The following SHANK2 variants were observed in gnomAD, a reference collection of about 807,000 sequenced individuals.
The protein encoded by SHANK2 is SH3 and multiple ankyrin repeat domains protein 2.
A neutral mutation model predicts 133.7 loss-of-function variants in SHANK2; 43 were observed. That is an observed-to-expected ratio of 0.32 (90% confidence interval 0.25 to 0.41). The LOEUF is 0.41. Ranked by LOEUF, SHANK2 falls within the 10% of genes least tolerant of loss-of-function variation. SHANK2 has a pLI of 1.00. For synonymous variants in SHANK2, 1,017 were observed against 952.8 expected (o/e 1.07, Z -1.24); for missense variants, 1,994 against 2,235.8 (o/e 0.89, Z 2.18).
chr11:70,546,097 A>ATTTT (rs57144719), intron 17 of SHANK2, among the ~76,000 whole-genome samples: 47 of 137,544 alleles, frequency 3.4e-4, no homozygotes, highest in Admixed American at 1.2e-3. Flanking sequence ...TATTTATTTA[A>ATTTT]TTTTTTTTTT....
intron 10 of SHANK2, among the ~76,000 whole-genome samples, chr11:70,931,644 G>A (rs1174979741): frequency 2.6e-5 from 4 of 152,166 alleles, no homozygotes; most frequent in Non-Finnish European, 4.4e-5. Flanking sequence ...GCCCTCACCC[G>A]CCCCTCTGAA....
intron 17 of SHANK2, among the ~76,000 whole-genome samples, chr11:70,570,261 G>A (rs1002855555): frequency 3.9e-5 from 6 of 152,202 alleles, no homozygotes; most frequent in African/African-American, 1.2e-4. Context: ...GATCTGCCGG[G>A]TTTACAAGGG....
At chr11:70,482,810 A>G (rs150761248) in intron 25 of SHANK2, among the ~76,000 whole-genome samples, 1 of 152,298 alleles carries the variant, frequency 6.6e-6, no homozygotes, top group African/African-American at 2.4e-5. Flanking sequence ...ATTCTGCCCT[A>G]TGAAGTCTGC....
intron 14 of SHANK2, among the ~76,000 whole-genome samples, chr11:70,718,670 T>G (rs1591782776): frequency 6.7e-6 from 1 of 149,034 alleles, no homozygotes; most frequent in African/African-American, 2.5e-5. Flanking sequence ...AGGGAGGGAG[T>G]GCTCCTCCCT....
intron 13 of SHANK2, 66 bp downstream of exon 13, chr11:70,806,936 C>A: frequency 1.5e-6 from 1 of 671,080 alleles, no homozygotes; most frequent in Non-Finnish European, 2.7e-6. Flanking sequence ...GTCCCCACAG[C>A]AGGCCGGGTG....
At chr11:70,890,628 C>T (rs1447142836) in intron 11 of SHANK2, among the ~76,000 whole-genome samples, 4 of 151,708 alleles carry the variant, frequency 2.6e-5, no homozygotes, top group Non-Finnish European at 2.9e-5. Context: ...GGAGAAACCC[C>T]ATCTCTACTA....
chr11:70,820,823 G>C (rs1441916287), intron 11 of SHANK2, 141 bp from the exon 12 acceptor site: 4 of 547,092 alleles, frequency 7.3e-6, no homozygotes, highest in Non-Finnish European at 1.3e-5. Flanking sequence ...GTTCTGGGCC[G>C]AGACCCCAGC....
At chr11:70,640,538 T>C (rs1455241135) in intron 17 of SHANK2, among the ~76,000 whole-genome samples, 1 of 152,222 alleles carries the variant, frequency 6.6e-6, no homozygotes, top group Non-Finnish European at 1.5e-5. Flanking sequence ...TTCTGGTCAT[T>C]TGTGACAGCG....
intron 2 of SHANK2, among the ~76,000 whole-genome samples, chr11:71,211,695 TC>T (rs1954287017): frequency 6.7e-6 from 1 of 149,708 alleles, no homozygotes; most frequent in Admixed American, 6.7e-5. Flanking sequence ...CTCCTCAAGC[TC>T]CCCCATCCTC....
chr11:70,692,773 C>T (rs997142237), intron 15 of SHANK2, among the ~76,000 whole-genome samples: 2 of 152,182 alleles, frequency 1.3e-5, no homozygotes, highest in Non-Finnish European at 2.9e-5. Flanking sequence ...GGCTGTGAGG[C>T]TCGAAAGCCA....
At chr11:71,082,077 C>A (rs898995885) in intron 8 of SHANK2, among the ~76,000 whole-genome samples, 2 of 152,248 alleles carry the variant, frequency 1.3e-5, no homozygotes, top group South Asian at 4.1e-4. Flanking sequence ...AATGTCCCCC[C>A]GGAGCCAATG....
chr11:70,721,015 A>G (rs1171807155), intron 14 of SHANK2, among the ~76,000 whole-genome samples: 1 of 152,124 alleles, frequency 6.6e-6, no homozygotes, highest in African/African-American at 2.4e-5. Context: ...TCATTCCCCC[A>G]GTGACCTGAG....
chr11:70,776,405 A>G (rs1212485718), intron 14 of SHANK2, among the ~76,000 whole-genome samples: 1 of 152,162 alleles, frequency 6.6e-6, no homozygotes, highest in Non-Finnish European at 1.5e-5. Context: ...GGTTGGCTGA[A>G]GGTAACTGAT....
At chr11:70,675,914 G>T (rs1555017118) in intron 15 of SHANK2, among the ~76,000 whole-genome samples, 1 of 152,180 alleles carries the variant, frequency 6.6e-6, no homozygotes, top group African/African-American at 2.4e-5. Flanking sequence ...GCTGGTTATG[G>T]CTGTGTTTTA....
intron 2 of SHANK2, among the ~76,000 whole-genome samples, chr11:71,148,409 A>C (rs1239177976): frequency 7.9e-5 from 12 of 152,226 alleles, no homozygotes; most frequent in Non-Finnish European, 2.9e-5. Flanking sequence ...AGAAGGACAC[A>C]GAACTCTGGG....
At chr11:70,840,754 A>AG (rs1948890917) in intron 11 of SHANK2, among the ~76,000 whole-genome samples, 1 of 152,170 alleles carries the variant, frequency 6.6e-6, no homozygotes, top group African/African-American at 2.4e-5. Context: ...TGGAGCCTGC[A>AG]GACTCAGGAT....
chr11:71,162,478 G>A (rs1472117935), intron 2 of SHANK2, among the ~76,000 whole-genome samples: 1 of 152,118 alleles, frequency 6.6e-6, no homozygotes, highest in Admixed American at 6.6e-5. Context: ...GAAATTTGAG[G>A]AACATGTTCA....
At position 70,777,746 on chromosome 11, in the gene SHANK2, C is replaced by G. The variant is rs890757916; in HGVS notation, c.1777+20697G>C. On this transcript the variant is annotated intron_variant, in intron 14 of 25. Coordinates refer to ENST00000601538, the MANE Select transcript of SHANK2 (RefSeq NM_012309.5). Reference sequence around the variant, plus strand: ...TGCCTTCAGTCCTCTTGGCTTGCACCATTTGCACTTATTAAATCTGCTCCA... The same window carrying G: ...TGCCTTCAGTCCTCTTGGCTTGCACGATTTGCACTTATTAAATCTGCTCCA... Among the ~76,000 whole-genome samples, 9 of 152,286 alleles carry G rather than the reference C, an allele frequency of 5.9e-5. No homozygotes were observed. In the Middle Eastern group the frequency reaches 0.017, roughly 288 times the overall value.
intron 16 of SHANK2, among the ~76,000 whole-genome samples, chr11:70,660,558 A>T (rs1555012982): frequency 1.3e-5 from 2 of 150,804 alleles, no homozygotes; most frequent in Admixed American, 6.6e-5. Context: ...TGCCCAGCAC[A>T]GTGAGGCTTG....
Sources: gnomAD v4.1 joint callset for allele counts (sites outside exome capture counted in the v4.1 genomes callset) on GRCh38, gnomAD v4.1.1 for gene constraint, MANE v1.5 for transcripts, NCBI Gene and HGNC (gene_info 2026-07-23, HGNC 2026-07-21) for gene names.